The following MSH4 variants were observed in gnomAD, a reference collection of about 807,000 sequenced individuals.
MSH4 encodes mutS protein homolog 4.
In MSH4, 106 loss-of-function variants were observed where a neutral mutation model predicts 113.7. That is an observed-to-expected ratio of 0.93 (90% CI 0.80 to 1.10). The LOEUF (loss-of-function observed/expected upper bound fraction) is 1.10. MSH4 is among the 50% of genes least tolerant of loss of function. The pLI is 0.00. For missense variants in MSH4, 1,061 were observed against 1,093.7 expected (o/e 0.97, Z 0.42); for synonymous variants, 368 against 380.2 (o/e 0.97, Z 0.37).
At chr1:75,802,856 T>G (rs1469059343) in intron 1 of MSH4, among the ~76,000 whole-genome samples, 3 of 152,168 alleles carry the variant, frequency 2.0e-5, no homozygotes, top group African/African-American at 7.2e-5. Context: ...TTAGTGAGGG[T>G]CTTTGTGCTG....
rs113381856 is a variant in MSH4 at position 75,806,416 on chromosome 1, T to A, written c.428-565T>A. 5.4e-3 allele frequency among the ~76,000 whole-genome samples: 822 copies of A among 151,834 alleles called. 3 individuals are homozygous for A. The highest frequency in any genetic ancestry group is 0.019 in the African/African-American group (792 of 41,402). ...GCACCTGCCACCACGCCTGGCTAAT[T>A]TTTTGTATTTTTAGTAGACATGGGG... On this transcript the variant is annotated intron_variant, in intron 2 of 19. Transcript: ENST00000263187.
intron 7 of MSH4, among the ~76,000 whole-genome samples, chr1:75,831,411 G>C (rs967452844): frequency 2.6e-5 from 4 of 152,084 alleles, no homozygotes; most frequent in Admixed American, 1.3e-4. Flanking sequence ...TCCAGGAATT[G>C]AACTCAGCTC....
Position 75,807,052 on chromosome 1 carries a change from G to T in MSH4, c.499G>T (p.Ala167Ser), listed in dbSNP as rs1650085012. The T allele has an allele frequency of 6.3e-7, 1 of 1,590,184 alleles. No individual in the cohort carries two copies. Among genetic ancestry groups the T allele is most frequent in the African/African-American group, 1.4e-5 (1 of 73,288 alleles). ...IVAVVEGRGL[A>S]RGEIGMASID... ...AGCTGTTGTAGAAGGGAGAGGACTT[G>T]CCAGAGGTGAAATAGGAATGGCAAG... The change falls in exon 3 of 20, where the codon GCC becomes TCC. Residue 167 changes from alanine (A) to serine (S), a missense_variant. Ala to Ser is a moderately conservative substitution (Grantham distance 99). Transcript: ENST00000263187.
At chr1:75,797,374 GTC>G in intron 1 of MSH4, 145 bp downstream of exon 1, 2 of 1,163,052 alleles carry the variant, frequency 1.7e-6, no homozygotes, top group East Asian at 2.6e-5. Flanking sequence ...AATTTGGTGA[GTC>G]TGGGTGATTA....
At chr1:75,850,673 G>A (rs1651166378) in intron 8 of MSH4, among the ~76,000 whole-genome samples, 1 of 152,042 alleles carries the variant, frequency 6.6e-6, no homozygotes, top group Non-Finnish European at 1.5e-5. Context: ...TTCAAGTTGT[G>A]TGGTAGTGTT....
intron 8 of MSH4, among the ~76,000 whole-genome samples, chr1:75,860,372 A>C (rs1025534777): frequency 6.6e-6 from 1 of 152,076 alleles, no homozygotes; most frequent in Admixed American, 6.6e-5. Context: ...GGTCTTTACA[A>C]TTTGGCATGT....
At chr1:75,846,726 G>A (rs868096708) in intron 7 of MSH4, among the ~76,000 whole-genome samples, 4 of 151,966 alleles carry the variant, frequency 2.6e-5, no homozygotes, top group Middle Eastern at 3.2e-3. Context: ...CTTTTTCTGA[G>A]CCTTCACTAG....
chr1:75,884,914 A>G (rs200579589), intron 15 of MSH4, among the ~76,000 whole-genome samples: 3 of 151,472 alleles, frequency 2.0e-5, no homozygotes, highest in Admixed American at 6.6e-5. Flanking sequence ...CATGTAAGAC[A>G]TAATACTTCG....
At chr1:75,824,026 G>C (rs1004322848) in intron 7 of MSH4, among the ~76,000 whole-genome samples, 1 of 151,864 alleles carries the variant, frequency 6.6e-6, no homozygotes, top group African/African-American at 2.4e-5. Context: ...GATATTTCTG[G>C]TTCTAGATCC....
At chr1:75,888,132 T>C (rs1430320929) in intron 15 of MSH4, among the ~76,000 whole-genome samples, 1 of 151,384 alleles carries the variant, frequency 6.6e-6, no homozygotes, top group Non-Finnish European at 1.5e-5. Context: ...ATCTGACTTT[T>C]GGTTTCTTTT....
intron 8 of MSH4, among the ~76,000 whole-genome samples, chr1:75,852,544 T>C (rs1282232003): frequency 6.6e-6 from 1 of 152,202 alleles, no homozygotes; most frequent in African/African-American, 2.4e-5. Context: ...TCAAGACTTG[T>C]TATTATCTTA....
At chr1:75,819,731 G>C (rs1650367038) in intron 6 of MSH4, among the ~76,000 whole-genome samples, 1 of 152,122 alleles carries the variant, frequency 6.6e-6, no homozygotes, top group Non-Finnish European at 1.5e-5. Context: ...GTTTGTTTTA[G>C]ACAGAGTCTC....
chr1:75,857,050 A>C (rs1570970526), intron 8 of MSH4, among the ~76,000 whole-genome samples: 2 of 152,130 alleles, frequency 1.3e-5, no homozygotes, highest in South Asian at 4.1e-4. Flanking sequence ...GATGATAAGC[A>C]TTTTTTCATA....
At chr1:75,875,549 C>T (rs1473368155) in intron 9 of MSH4, among the ~76,000 whole-genome samples, 1 of 152,120 alleles carries the variant, frequency 6.6e-6, no homozygotes, top group African/African-American at 2.4e-5. Context: ...TTTCTAAAAG[C>T]GGGCCAGCAA....
Position 75,853,522 on chromosome 1 carries a change from A to G in MSH4, c.1230+5246A>G, listed in dbSNP as rs971178104. ...GTATACTTGGTTGAGATGGTGTAAA[A>G]TTGCTGCACAATTATGATTCCCCCA... On this transcript the variant is annotated intron_variant, in intron 8 of 19. Transcript: ENST00000263187. Among the ~76,000 whole-genome samples the G allele has an allele frequency of 5.3e-5, 8 of 152,248 alleles. 1 individual carries two copies. Among genetic ancestry groups the G allele is most frequent in the African/African-American group, 1.9e-4 (8 of 41,544 alleles).
intron 7 of MSH4, among the ~76,000 whole-genome samples, chr1:75,838,175 A>G (rs574616986): frequency 1.3e-5 from 2 of 152,294 alleles, no homozygotes; most frequent in South Asian, 4.1e-4. Context: ...ATTTTTCCAA[A>G]GGCTCTGGAG....
intron 2 of MSH4, among the ~76,000 whole-genome samples, chr1:75,804,375 G>T (rs1402888181): frequency 6.6e-6 from 1 of 151,866 alleles, no homozygotes; most frequent in African/African-American, 2.4e-5. Context: ...TTATGTAAAT[G>T]CATATATTTA....
intron 7 of MSH4, among the ~76,000 whole-genome samples, chr1:75,844,796 A>G (rs889381640): frequency 2.6e-5 from 4 of 152,204 alleles, no homozygotes; most frequent in Non-Finnish European, 4.4e-5. Context: ...ACATTGCCAT[A>G]GTCTATTTGT....
chr1:75,904,027 G>A (rs1652566398), intron 19 of MSH4, among the ~76,000 whole-genome samples: 1 of 152,040 alleles, frequency 6.6e-6, no homozygotes, highest in South Asian at 2.1e-4. Context: ...TTATTGTTTT[G>A]AGGTGTGTTC....
Sources: allele counts gnomAD v4.1 joint callset (sites outside exome capture counted in the v4.1 genomes callset), GRCh38; gene constraint gnomAD v4.1.1; transcripts MANE v1.5; gene names NCBI Gene and HGNC (gene_info 2026-07-23, HGNC 2026-07-21).